PPT2: variants seen among roughly 807,000 people sequenced by gnomAD.
PPT2 encodes palmitoyl-protein thioesterase 2.
A neutral mutation model predicts 37.3 loss-of-function variants in PPT2; 20 were observed. The ratio of observed to expected loss-of-function variants is 0.54; its 90% confidence interval spans 0.38 to 0.78. The LOEUF is 0.78. PPT2 is among the 30% of genes least tolerant of loss of function. The pLI, the probability that PPT2 is intolerant of heterozygous loss-of-function variation, is 0.00. For missense variants in PPT2, 270 were observed against 389.8 expected (o/e 0.69, Z 2.59); for synonymous variants, 135 against 159.1 (o/e 0.85, Z 1.14).
Position 32,162,547 on chromosome 6 carries a change from TC to T in PPT2, c.711-15del. ...ATTTTCTCCAGCTCTTCTGATAACC[TC>T]CCCCCAAATCTCTTTGTAGCTTCTT... is the stretch of plus-strand genomic sequence containing the variant. On this transcript the variant is annotated intron_variant, in intron 7 of 8. Transcript: ENST00000324816. This position sits in a 1 kb window ranked among gnomAD's most constrained non-coding sequence, Gnocchi z 5.5. The T allele has an allele frequency of 1.3e-6, 2 of 1,597,456 alleles. No individual in the cohort carries two copies. Among genetic ancestry groups the T allele is most frequent in the Non-Finnish European group, 1.7e-6 (2 of 1,164,984 alleles).
upstream of PPT2, chr6:32,154,002 C>G: frequency 8.0e-7 from 1 of 1,253,484 alleles, no homozygotes; most frequent in Non-Finnish European, 1.0e-6. The surrounding 1 kb of genome is among the most constrained non-coding windows in gnomAD (Gnocchi z 7.3). Flanking sequence ...TCCCCAGCAC[C>G]TAGGGCGCAA....
In PPT2 at chr6:32,162,802, T is replaced by G; in HGVS notation, c.766-5T>G. ...TGCTTCCACGCCCCTTCGACCACCT[T>G]GAAGGTTTATCTGCGGGATTCTTTT... is the stretch of plus-strand genomic sequence containing the variant. On this transcript the variant is annotated splice_polypyrimidine_tract_variant and splice_region_variant and intron_variant, in intron 8 of 8. Transcript: ENST00000324816. This position sits in a 1 kb window ranked among gnomAD's most constrained non-coding sequence, Gnocchi z 5.5. 1.9e-6 allele frequency: 3 copies of G among 1,612,984 alleles called. No individual in the cohort carries two copies. The highest frequency in any genetic ancestry group is 1.7e-6 in the Non-Finnish European group (2 of 1,179,532).
At chr6:32,161,084 AAT>A (rs1425408873) in intron 7 of PPT2, among the ~76,000 whole-genome samples, 4 of 152,080 alleles carry the variant, frequency 2.6e-5, no homozygotes, top group Non-Finnish European at 4.4e-5. Flanking sequence ...TGTTTACATT[AAT>A]ATCTTTTTTC....
Position 32,154,930 on chromosome 6 carries a change from G to GA in PPT2, c.184-100_184-99insA. ...GGAGAGTTGGGGGACGGGATCCCTG[G>GA]TTCTAGCAGGGTACAATAGACCTGT... On this transcript the variant is annotated intron_variant, in intron 2 of 8. Transcript: ENST00000324816. The surrounding 1 kb of genome is among the most constrained non-coding windows in gnomAD (Gnocchi z 7.3). 1 of 1,559,842 alleles carries GA rather than the reference G, an allele frequency of 6.4e-7. No homozygotes were observed. The highest frequency in any genetic ancestry group is 1.1e-5 in the South Asian group (1 of 87,390).
Position 32,155,466 on chromosome 6 carries a change from G to T in PPT2, c.338-222G>T, listed in dbSNP as rs1357912973. On this transcript the variant is annotated intron_variant, in intron 3 of 8. Transcript: ENST00000324816. This position sits in a 1 kb window ranked among gnomAD's most constrained non-coding sequence, Gnocchi z 4.3. ...AACATCCTAGAACTAGAGGCAGGAGGCCCAGCATCTAATTCGGGCTCAGTC... is the reference window on the plus strand; with the variant it reads ...AACATCCTAGAACTAGAGGCAGGAGTCCCAGCATCTAATTCGGGCTCAGTC... Among the ~76,000 whole-genome samples, 3 of 152,172 alleles carry T rather than the reference G, an allele frequency of 2.0e-5. No homozygotes were observed. Among genetic ancestry groups the T allele is most frequent in the Non-Finnish European group, 4.4e-5 (3 of 68,042 alleles).
At chr6:32,153,982 G>T, upstream of PPT2, 4 of 1,294,292 alleles carry the variant, frequency 3.1e-6, no homozygotes, top group South Asian at 2.1e-5. The surrounding 1 kb of genome is among the most constrained non-coding windows in gnomAD (Gnocchi z 4.4). Flanking sequence ...GGATCGCTCC[G>T]CCTGTTTCCT....
rs751035692 is a variant in PPT2 at position 32,155,213 on chromosome 6, A to T, written c.337+30A>T. On this transcript the variant is annotated intron_variant, in intron 3 of 8. Coordinates refer to ENST00000324816, the MANE Select transcript of PPT2 (RefSeq NM_005155.7). The surrounding 1 kb of genome is among the most constrained non-coding windows in gnomAD (Gnocchi z 4.3). ...GCGACTCCCCTGCCCCTAACTCCTAAGCCCTATCTGAGGCTTGATCCTTAT... is the reference window on the plus strand; with the variant it reads ...GCGACTCCCCTGCCCCTAACTCCTATGCCCTATCTGAGGCTTGATCCTTAT... 3 of 1,611,506 alleles carry T rather than the reference A, an allele frequency of 1.9e-6. No homozygotes were observed. Among genetic ancestry groups the T allele is most frequent in the Admixed American group, 1.7e-5 (1 of 59,928 alleles).
chr6:32,162,542 T>C lies in PPT2; in HGVS notation c.711-26T>C. On this transcript the variant is annotated intron_variant, in intron 7 of 8. Transcript: ENST00000324816. The surrounding 1 kb of genome is among the most constrained non-coding windows in gnomAD (Gnocchi z 5.5). ...GCCAGATTTTCTCCAGCTCTTCTGA[T>C]AACCTCCCCCCAAATCTCTTTGTAG... 2 of 1,593,382 alleles carry C rather than the reference T, an allele frequency of 1.3e-6. No individual in the cohort carries two copies. The highest frequency in any genetic ancestry group is 1.7e-6 in the Non-Finnish European group (2 of 1,161,162).
At chr6:32,161,427 T>C (rs1784147067) in intron 7 of PPT2, among the ~76,000 whole-genome samples, 1 of 151,954 alleles carries the variant, frequency 6.6e-6, no homozygotes, top group Non-Finnish European at 1.5e-5. Flanking sequence ...GTAGCTGGGA[T>C]TATAGGCGCC....
chr6:32,162,533 C>A lies in PPT2; in HGVS notation c.711-35C>A. On this transcript the variant is annotated intron_variant, in intron 7 of 8. Coordinates refer to ENST00000324816, the MANE Select transcript of PPT2 (RefSeq NM_005155.7). This position sits in a 1 kb window ranked among gnomAD's most constrained non-coding sequence, Gnocchi z 5.5. ...CTGCGCCCGGCCAGATTTTCTCCAG[C>A]TCTTCTGATAACCTCCCCCCAAATC... is the stretch of plus-strand genomic sequence containing the variant. 1 of 1,575,536 alleles carries A rather than the reference C, an allele frequency of 6.3e-7. No homozygotes were observed. The highest frequency in any genetic ancestry group is 8.7e-7 in the Non-Finnish European group (1 of 1,145,034).
upstream of PPT2, chr6:32,153,908 G>C: frequency 7.6e-7 from 1 of 1,322,310 alleles, no homozygotes. The surrounding 1 kb of genome is among the most constrained non-coding windows in gnomAD (Gnocchi z 4.4). Flanking sequence ...ACGAAGCCTG[G>C]AGAGGCCTTC....
In PPT2 at chr6:32,154,306, G is replaced by T. The variant is rs1783575092; in HGVS notation, c.-107G>T. On this transcript the variant is annotated 5_prime_UTR_variant, in exon 1 of 9. Coordinates refer to ENST00000324816, the MANE Select transcript of PPT2 (RefSeq NM_005155.7). The surrounding 1 kb of genome is among the most constrained non-coding windows in gnomAD (Gnocchi z 7.3). ...CTGCTCACGGGTATTAAAGAACTCC[G>T]CGTTGTTCATGGCTGAGGCGATGCA... 1 of 1,361,812 alleles carries T rather than the reference G, an allele frequency of 7.3e-7. No homozygotes were observed. Among genetic ancestry groups the T allele is most frequent in the Non-Finnish European group, 9.4e-7 (1 of 1,061,296 alleles). 84.4% of individuals were successfully genotyped at this position (1,361,812 alleles called of 1,614,324 possible).
chr6:32,160,694 ACCTTT>A (rs1784099340), intron 7 of PPT2, among the ~76,000 whole-genome samples: 2 of 151,542 alleles, frequency 1.3e-5, no homozygotes, highest in South Asian at 4.2e-4. Flanking sequence ...GGATTTTAAG[ACCTTT>A]CTATTTTGAA....
Position 32,155,052 on chromosome 6 carries a change from C to T in PPT2, c.206C>T (p.Thr69Ile). ...INETHPGTVVTVLDLFDGRES... is the reference protein window; with the variant it reads ...INETHPGTVVIVLDLFDGRES... ...CAGACACACCCCGGGACTGTGGTGA[C>T]AGTGCTCGATCTCTTCGATGGGAGA... Residue 69 changes from threonine to isoleucine, a missense_variant, in exon 3 of 9, where the codon ACA becomes ATA. Transcript: ENST00000324816. The surrounding 1 kb of genome is among the most constrained non-coding windows in gnomAD (Gnocchi z 4.3). 6.2e-7 allele frequency: 1 copy of T among 1,613,088 alleles called. No homozygotes were observed. The highest frequency in any genetic ancestry group is 1.1e-5 in the South Asian group (1 of 91,082).
intron 7 of PPT2, among the ~76,000 whole-genome samples, chr6:32,159,724 C>CA (rs1561820346): frequency 2.1e-5 from 3 of 141,844 alleles, no homozygotes; most frequent in Non-Finnish European, 1.5e-5. Context: ...CTGTTTCTTC[C>CA]TTTTTTTTTT....
chr6:32,159,804 C>T (rs1437222756), intron 7 of PPT2, among the ~76,000 whole-genome samples: 1 of 151,644 alleles, frequency 6.6e-6, no homozygotes, highest in Non-Finnish European at 1.5e-5. Flanking sequence ...TCACTGCAAC[C>T]TCCGCCTCCT....
chr6:32,159,177 G>C (rs538636169), intron 7 of PPT2, among the ~76,000 whole-genome samples: 1 of 152,082 alleles, frequency 6.6e-6, no homozygotes, highest in East Asian at 1.9e-4. Flanking sequence ...GCTCACGCCT[G>C]TAATCCCAGC....
chr6:32,157,166 G>A (rs1199327128), intron 5 of PPT2: 1 of 158,104 alleles, frequency 6.3e-6, no homozygotes, highest in Non-Finnish European at 1.4e-5. Context: ...GGGTGACGGA[G>A]TGAGATTTCA....
chr6:32,156,032 C>T lies in PPT2; in HGVS notation c.541+54C>T. On this transcript the variant is annotated intron_variant, in intron 5 of 8. Coordinates refer to ENST00000324816, the MANE Select transcript of PPT2 (RefSeq NM_005155.7). The surrounding 1 kb of genome is among the most constrained non-coding windows in gnomAD (Gnocchi z 4.9). ...CATGGATCAGGTCAGTTGCTTCCAC[C>T]TCTGCTACAACCAATAGCAGTGATG... The T allele has an allele frequency of 7.6e-7, 1 of 1,311,188 alleles. No homozygotes were observed. Among genetic ancestry groups the T allele is most frequent in the Non-Finnish European group, 1.1e-6 (1 of 904,756 alleles). The allele number at this position is 1,311,188 out of a possible 1,614,324, so 81.2% of individuals were successfully genotyped here.
Sources: gnomAD v4.1 joint callset for allele counts (sites outside exome capture counted in the v4.1 genomes callset) on GRCh38, gnomAD v4.1.1 for gene constraint, Gnocchi (gnomAD v3.1) non-coding constraint, MANE v1.5 for transcripts, NCBI Gene and HGNC (gene_info 2026-07-23, HGNC 2026-07-21) for gene names.